The following ELOVL5 variants were observed in gnomAD, a reference collection of about 807,000 sequenced individuals.
The protein encoded by ELOVL5 is ELOVL fatty acid elongase 5.
ELOVL5 carries 8 observed loss-of-function variants against 38.6 expected under a neutral mutation model. The ratio of observed to expected loss-of-function variants is 0.21; its 90% CI spans 0.12 to 0.37. The LOEUF (loss-of-function observed/expected upper bound fraction) is 0.37. Ranked by LOEUF, ELOVL5 falls within the 10% of genes least tolerant of loss-of-function variation. The pLI is 1.00. For synonymous variants in ELOVL5, 127 were observed against 133.7 expected (o/e 0.95, Z 0.34); for missense variants, 280 against 367.8 (o/e 0.76, Z 1.95).
chr6:53,295,543 A>G (rs1432295761), intron 2 of ELOVL5, 99 bp downstream of exon 2: 2 of 820,556 alleles, frequency 2.4e-6, no homozygotes, highest in Non-Finnish European at 3.9e-6. Flanking sequence ...ATCATAGAAA[A>G]TGCTAACATT....
intron 3 of ELOVL5, among the ~76,000 whole-genome samples, chr6:53,283,221 T>C (rs17544464): frequency 0.062 from 9,472 of 152,292 alleles, 593 homozygotes; most frequent in Admixed American, 0.22. Flanking sequence ...TTACCTATAA[T>C]GCGAGGGAGG....
intron 1 of ELOVL5, among the ~76,000 whole-genome samples, chr6:53,335,727 C>G (rs1769034798): frequency 6.6e-6 from 1 of 152,180 alleles, no homozygotes; most frequent in Non-Finnish European, 1.5e-5. Context: ...CTTTTAGCTG[C>G]ACATGGCCAC....
At chr6:53,304,511 T>C (rs1186825456) in intron 1 of ELOVL5, among the ~76,000 whole-genome samples, 1 of 152,086 alleles carries the variant, frequency 6.6e-6, no homozygotes, top group Non-Finnish European at 1.5e-5. Context: ...TTTGGCAGGG[T>C]CATAGGACAA....
chr6:53,289,297 C>T (rs972451236), intron 3 of ELOVL5, among the ~76,000 whole-genome samples: 2 of 152,176 alleles, frequency 1.3e-5, no homozygotes, highest in Non-Finnish European at 2.9e-5. Context: ...ATGGCTCTAA[C>T]TCCTGGGACA....
At chr6:53,287,884 T>C (rs1190514478) in intron 3 of ELOVL5, 2 of 1,535,742 alleles carry the variant, frequency 1.3e-6, no homozygotes, top group Non-Finnish European at 1.7e-6. Context: ...CAGCTGCTGC[T>C]GAGTCGAAGG....
At position 53,275,086 on chromosome 6, in the gene ELOVL5, T is replaced by G; in HGVS notation, c.496+4A>C. ...TTCCCCAAGTCCCCGTCTCTAATACTTACAGTGGCCGCAGGGGACCCAGTT... is the reference window on the plus strand; with the variant it reads ...TTCCCCAAGTCCCCGTCTCTAATACGTACAGTGGCCGCAGGGGACCCAGTT... On this transcript the variant is annotated splice_donor_region_variant and intron_variant, in intron 5 of 7. Coordinates refer to ENST00000304434, the MANE Select transcript of ELOVL5 (RefSeq NM_021814.5). 1.2e-6 allele frequency: 2 copies of G among 1,613,700 alleles called. No homozygotes were observed. Among genetic ancestry groups the G allele is most frequent in the Admixed American group, 1.7e-5 (1 of 60,008 alleles).
At chr6:53,316,390 G>A (rs1237084844) in intron 1 of ELOVL5, among the ~76,000 whole-genome samples, 2 of 152,262 alleles carry the variant, frequency 1.3e-5, no homozygotes, top group East Asian at 3.9e-4. Flanking sequence ...GGGACCAGTG[G>A]GTCAGGTGAA....
intron 1 of ELOVL5, among the ~76,000 whole-genome samples, chr6:53,308,979 T>G (rs1416562297): frequency 6.6e-6 from 1 of 152,060 alleles, no homozygotes; most frequent in Non-Finnish European, 1.5e-5. Flanking sequence ...TTCTCATATT[T>G]TTCAAACACT....
chr6:53,272,667 G>A (rs1193423481), intron 6 of ELOVL5, among the ~76,000 whole-genome samples: 2 of 152,178 alleles, frequency 1.3e-5, no homozygotes, highest in Admixed American at 6.5e-5. Flanking sequence ...ATCAGGTGAA[G>A]TGGCCTGGCC....
At chr6:53,274,806 A>G (rs913390608) in intron 5 of ELOVL5, among the ~76,000 whole-genome samples, 8 of 152,184 alleles carry the variant, frequency 5.3e-5, no homozygotes, top group Non-Finnish European at 1.0e-4. Flanking sequence ...AAGGACCAGA[A>G]AGAACCTGGA....
chr6:53,319,534 T>C (rs1768213162), intron 1 of ELOVL5, among the ~76,000 whole-genome samples: 1 of 152,222 alleles, frequency 6.6e-6, no homozygotes, highest in Admixed American at 6.5e-5. Flanking sequence ...AGTGCAGCTC[T>C]AAAATGCTCT....
chr6:53,291,199 T>C (rs1310916878), intron 3 of ELOVL5, among the ~76,000 whole-genome samples: 2 of 152,210 alleles, frequency 1.3e-5, no homozygotes, highest in African/African-American at 2.4e-5. Context: ...ATTTTCAACA[T>C]TGCAGTGATA....
At chr6:53,289,529 G>A (rs1020550540) in intron 3 of ELOVL5, among the ~76,000 whole-genome samples, 1 of 152,178 alleles carries the variant, frequency 6.6e-6, no homozygotes, top group East Asian at 1.9e-4. Context: ...GACCAGCCTG[G>A]CCAACATGGT....
intron 5 of ELOVL5, among the ~76,000 whole-genome samples, chr6:53,273,580 A>G (rs1038757234): frequency 2.0e-5 from 3 of 152,216 alleles, no homozygotes; most frequent in African/African-American, 7.2e-5. Context: ...TAGCTGCTAG[A>G]GGGGCATCTG....
chr6:53,329,278 T>C (rs766103848), intron 1 of ELOVL5, among the ~76,000 whole-genome samples: 1 of 152,164 alleles, frequency 6.6e-6, no homozygotes, highest in Non-Finnish European at 1.5e-5. Context: ...TTTTTATATT[T>C]TGAAATATAT....
At chr6:53,300,152 C>T (rs1156698669) in intron 1 of ELOVL5, among the ~76,000 whole-genome samples, 3 of 152,146 alleles carry the variant, frequency 2.0e-5, no homozygotes, top group Non-Finnish European at 2.9e-5. Flanking sequence ...TCCCCTACCA[C>T]ACCCACAATT....
In ELOVL5 at chr6:53,291,926, A is replaced by T; in HGVS notation, c.96T>A (p.Tyr32Ter). 6.2e-7 allele frequency: 1 copy of T among 1,603,754 alleles called. No individual in the cohort carries two copies. The highest frequency in any genetic ancestry group is 8.5e-7 in the Non-Finnish European group (1 of 1,173,836). ...RVKGWFLLDN[Y>*]IPTFICSVIY... ...TGACAGAGCAGATAAATGTGGGTAT[A>T]TAATTGTCCAGAAGAAACCATCCTT... Residue 32 changes from tyrosine (Y) to a stop codon, truncating the protein, a stop_gained, in exon 3 of 8, where the codon TAT (tyrosine) becomes TAA (stop). Coordinates refer to ENST00000304434, the MANE Select transcript of ELOVL5 (RefSeq NM_021814.5). LOFTEE classifies it high-confidence loss of function.
At chr6:53,332,547 T>C (rs957370063) in intron 1 of ELOVL5, among the ~76,000 whole-genome samples, 1 of 151,872 alleles carries the variant, frequency 6.6e-6, no homozygotes, top group Non-Finnish European at 1.5e-5. Flanking sequence ...CATACAAACA[T>C]ATACACAGAA....
chr6:53,283,336 C>A (rs1409241370), intron 3 of ELOVL5, among the ~76,000 whole-genome samples: 1 of 152,002 alleles, frequency 6.6e-6, no homozygotes, highest in Non-Finnish European at 1.5e-5. Context: ...TGACCCCCAA[C>A]AATACTAGTT....
Sources: gnomAD v4.1 joint callset for allele counts (sites outside exome capture counted in the v4.1 genomes callset) on GRCh38, gnomAD v4.1.1 for gene constraint, MANE v1.5 for transcripts, NCBI Gene and HGNC (gene_info 2026-07-23, HGNC 2026-07-21) for gene names.